The following SCAMP1 variants were observed in gnomAD, a reference collection of about 807,000 sequenced individuals.
The protein encoded by SCAMP1 is secretory carrier membrane protein 1.
A neutral mutation model predicts 41.8 loss-of-function variants in SCAMP1; 15 were observed. The observed-to-expected ratio is 0.36, with a 90% CI of 0.24 to 0.55. SCAMP1 has a LOEUF of 0.55. SCAMP1 is among the 20% of genes least tolerant of loss of function. The pLI is 0.86. For synonymous variants in SCAMP1, 135 were observed against 136.8 expected, an observed-to-expected ratio of 0.99 and a Z score of 0.09; for missense variants, 341 against 412.6, an observed-to-expected ratio of 0.83 and a Z score of 1.50.
intron 1 of SCAMP1, among the ~76,000 whole-genome samples, chr5:78,367,352 CT>C (rs888078022): frequency 6.6e-6 from 1 of 151,924 alleles, no homozygotes; most frequent in African/African-American, 2.4e-5. Context: ...CAGGTTTTTT[CT>C]TTTTTTTAAT....
At chr5:78,390,860 G>A (rs1241402960) in intron 2 of SCAMP1, among the ~76,000 whole-genome samples, 2 of 150,788 alleles carry the variant, frequency 1.3e-5, no homozygotes, top group African/African-American at 2.4e-5. Context: ...GACTCTTAAC[G>A]AGCATGCTGC....
At position 78,418,773 on chromosome 5, in the gene SCAMP1, A is replaced by T; in HGVS notation, c.344-2A>T. On this transcript the variant is annotated splice_acceptor_variant, in intron 4 of 8. Transcript: ENST00000621999. LOFTEE classifies it high-confidence loss of function. ...TTTTCTTTTTCTAAAAAAAATTTACAGGTAGAAAAAATAATTGGCCACCTC... is the reference window on the plus strand; with the variant it reads ...TTTTCTTTTTCTAAAAAAAATTTACTGGTAGAAAAAATAATTGGCCACCTC... The T allele has an allele frequency of 1.3e-6, 2 of 1,502,860 alleles. No homozygotes were observed. The highest frequency in any genetic ancestry group is 1.8e-6 in the Non-Finnish European group (2 of 1,119,472). 93.1% of individuals were successfully genotyped at this position (1,502,860 alleles called of 1,614,324 possible). A position where few individuals can be genotyped will look rare whatever the true frequency, so the allele number is the denominator to read the frequency against.
At chr5:78,464,023 G>A (rs752038755) in intron 8 of SCAMP1, among the ~76,000 whole-genome samples, 18 of 152,206 alleles carry the variant, frequency 1.2e-4, no homozygotes, top group Admixed American at 2.0e-4. Context: ...CTGTCGCCAG[G>A]CTGGAGTGCA....
chr5:78,389,739 A>G (rs1398329088), intron 2 of SCAMP1, among the ~76,000 whole-genome samples: 1 of 151,762 alleles, frequency 6.6e-6, no homozygotes, highest in Non-Finnish European at 1.5e-5. Flanking sequence ...AGTTCTTTTG[A>G]TGATTTTATT....
chr5:78,373,505 AT>A (rs35089269), intron 1 of SCAMP1, among the ~76,000 whole-genome samples: 3 of 152,052 alleles, frequency 2.0e-5, no homozygotes, highest in Admixed American at 2.0e-4. Flanking sequence ...TTACACCTCT[AT>A]TTTTTAAATC....
At chr5:78,457,482 C>T (rs1232424737) in intron 7 of SCAMP1, among the ~76,000 whole-genome samples, 2 of 152,088 alleles carry the variant, frequency 1.3e-5, no homozygotes, top group African/African-American at 4.8e-5. Flanking sequence ...GGGGTGCCTC[C>T]CAGTTAGGCT....
intron 7 of SCAMP1, among the ~76,000 whole-genome samples, chr5:78,451,238 AT>A (rs1753218076): frequency 6.6e-6 from 1 of 152,294 alleles, no homozygotes; most frequent in African/African-American, 2.4e-5. Flanking sequence ...TGTAGTTCAG[AT>A]TTTTTAGGTT....
At chr5:78,442,583 C>T (rs1167215059) in intron 6 of SCAMP1, among the ~76,000 whole-genome samples, 1 of 152,112 alleles carries the variant, frequency 6.6e-6, no homozygotes, top group Non-Finnish European at 1.5e-5. Context: ...AAGAGCATAG[C>T]CTATGTAATA....
chr5:78,442,791 G>T (rs191274910), intron 6 of SCAMP1, among the ~76,000 whole-genome samples: 1 of 152,198 alleles, frequency 6.6e-6, no homozygotes, highest in African/African-American at 2.4e-5. Flanking sequence ...AAGAAACACT[G>T]CATTGAGCAT....
At chr5:78,417,640 A>G (rs1245573273) in intron 4 of SCAMP1, among the ~76,000 whole-genome samples, 1 of 152,178 alleles carries the variant, frequency 6.6e-6, no homozygotes, top group Non-Finnish European at 1.5e-5. Flanking sequence ...GGGGTGATAG[A>G]GTTTTTATTC....
chr5:78,418,685 A>G, intron 4 of SCAMP1, 90 bp from the exon 5 acceptor site: 1 of 820,716 alleles, frequency 1.2e-6, no homozygotes, highest in South Asian at 1.9e-5. Flanking sequence ...TTGTTAACAT[A>G]ATAGAGTTTT....
At chr5:78,448,997 T>C (rs1411322258) in intron 6 of SCAMP1, among the ~76,000 whole-genome samples, 1 of 116,262 alleles carries the variant, frequency 8.6e-6, no homozygotes, top group Non-Finnish European at 2.0e-5. Context: ...CAAAACTCCG[T>C]CTCAAAAAAA....
chr5:78,416,486 T>A, intron 3 of SCAMP1, 55 bp from the exon 4 acceptor site: 1 of 1,309,426 alleles, frequency 7.6e-7, no homozygotes, highest in Non-Finnish European at 1.1e-6. Flanking sequence ...CATATAAATG[T>A]TAAAGTATTT....
intron 2 of SCAMP1, among the ~76,000 whole-genome samples, chr5:78,409,622 G>A (rs1752021073): frequency 1.3e-5 from 2 of 152,124 alleles, no homozygotes; most frequent in East Asian, 3.9e-4. Context: ...AACATCTACA[G>A]ATGTGAAGAA....
At chr5:78,379,998 T>A (rs1462904396) in intron 1 of SCAMP1, among the ~76,000 whole-genome samples, 1 of 152,216 alleles carries the variant, frequency 6.6e-6, no homozygotes, top group African/African-American at 2.4e-5. Context: ...GTTTTTGGAT[T>A]ACTCTTCCTT....
intron 4 of SCAMP1, among the ~76,000 whole-genome samples, chr5:78,418,457 G>A (rs1454126091): frequency 6.6e-6 from 1 of 152,132 alleles, no homozygotes; most frequent in Non-Finnish European, 1.5e-5. Flanking sequence ...ATCTGTTTTA[G>A]GGTAGAAGCA....
rs1053225677 is a variant in SCAMP1, at chr5:78,416,617, G to A, written c.311G>A (p.Arg104Gln). 1.2e-5 allele frequency: 19 copies of A among 1,593,718 alleles called. No homozygotes were observed. The highest frequency in any genetic ancestry group is 1.5e-5 in the Non-Finnish European group (17 of 1,169,774). The change falls in exon 4 of 9, where the codon CGG (arginine) becomes CAG (glutamine). Residue 104 changes from arginine (R) to glutamine (Q), a missense_variant. Coordinates refer to ENST00000621999, the MANE Select transcript of SCAMP1 (RefSeq NM_004866.6). ...AGAAAAGCCGCAGAATTAGATCGTC[G>A]GGAACGAGAAATGCAAAACCTCAGT... ...LERKAAELDR[R>Q]EREMQNLSQH...
intron 6 of SCAMP1, among the ~76,000 whole-genome samples, chr5:78,444,147 G>A (rs1253494081): frequency 6.6e-6 from 1 of 152,148 alleles, no homozygotes; most frequent in Non-Finnish European, 1.5e-5. Context: ...ACTAAAGAGG[G>A]AATATGGGGC....
chr5:78,412,102 A>G (rs1217337448), intron 2 of SCAMP1, among the ~76,000 whole-genome samples: 4 of 152,024 alleles, frequency 2.6e-5, no homozygotes, highest in Non-Finnish European at 1.5e-5. Flanking sequence ...TGTTTATCTG[A>G]TAATTTTGTA....
Sources: allele counts gnomAD v4.1 joint callset (sites outside exome capture counted in the v4.1 genomes callset), GRCh38; gene constraint gnomAD v4.1.1; transcripts MANE v1.5; gene names NCBI Gene and HGNC (gene_info 2026-07-23, HGNC 2026-07-21).